TEX14: variants seen among roughly 807,000 people sequenced by gnomAD.
TEX14 encodes testis expressed 14, intercellular bridge forming factor.
A neutral mutation model predicts 178.6 loss-of-function variants in TEX14; 168 were observed. The ratio of observed to expected loss-of-function variants is 0.94; its 90% CI spans 0.83 to 1.07. The LOEUF is 1.07. Ranked by LOEUF, TEX14 falls within the 50% of genes least tolerant of loss-of-function variation. The pLI is 0.00. For synonymous variants in TEX14, 626 were observed against 634.1 expected (o/e 0.99, Z 0.19); for missense variants, 1,730 against 1,753.6 (o/e 0.99, Z 0.24).
Position 58,660,849 on chromosome 17 carries a change from T to C in TEX14, c.-1-8847A>G, listed in dbSNP as rs2047094201. On this transcript the variant is annotated intron_variant, in intron 1 of 31. Transcript: ENST00000349033. ...GCGCCAAATACTTTGGCTTGCGCCA[T>C]GTTCCGAGTGAGAATGAAGGGTTTC... The C allele has an allele frequency of 5.1e-6, 4 of 790,678 alleles. No homozygotes were observed. In the East Asian group the frequency reaches 9.7e-5, roughly 19 times the overall value. 49.0% of individuals were successfully genotyped at this position (790,678 alleles called of 1,614,324 possible).
At position 58,658,761 on chromosome 17, in the gene TEX14, G is replaced by A. The variant is rs139485169; in HGVS notation, c.-1-6759C>T. On this transcript the variant is annotated intron_variant, in intron 1 of 31. Transcript: ENST00000349033. The stretch of plus-strand genomic sequence containing the variant: ...TCTGCACAGAAAAACTGAACTACAA[G>A]GGATGAGGTACTTAACTTCCCACCT... 7.5e-4 allele frequency among the ~76,000 whole-genome samples: 114 copies of A among 152,060 alleles called. 1 individual carries two copies. Among genetic ancestry groups the A allele is most frequent in the Non-Finnish European group, 1.5e-3 (99 of 68,014 alleles).
chr17:58,570,395 G>A lies in TEX14; in HGVS notation c.3807C>T (p.Ser1269=), dbSNP rs45593640. The change falls in exon 25 of 32, where the codon AGC becomes AGT. Residue 1269 remains serine (S), a synonymous_variant. Transcript: ENST00000349033. Reference sequence around the variant, plus strand: ...TTAAACACAGGGTACCTTTAGGCAGGCTCCTTCTCTGGGTGGCATGGGGTG... The same window carrying A: ...TTAAACACAGGGTACCTTTAGGCAGACTCCTTCTCTGGGTGGCATGGGGTG... ...SSPPHATQRR[S]LPKVEAFSQH... The A allele has an allele frequency of 2.0e-6, 3 of 1,513,214 alleles. No homozygotes were observed. Among genetic ancestry groups the A allele is most frequent in the African/African-American group, 1.5e-5 (1 of 68,098 alleles). The allele number at this position is 1,513,214 out of a possible 1,614,324, so 93.7% of individuals were successfully genotyped here. A position where few individuals can be genotyped will look rare whatever the true frequency, so the allele number is the denominator to read the frequency against.
chr17:58,595,346 C>G (rs1206739800), intron 14 of TEX14, among the ~76,000 whole-genome samples: 2 of 152,038 alleles, frequency 1.3e-5, no homozygotes, highest in Non-Finnish European at 2.9e-5. Context: ...ATCCTATGTA[C>G]TAGTAGATTG....
chr17:58,563,621 T>TTATATATATATA (rs3034889), intron 28 of TEX14, among the ~76,000 whole-genome samples: 42 of 46,440 alleles, frequency 9.0e-4, no homozygotes, highest in Non-Finnish European at 1.3e-3. Context: ...CATCTCTAAT[T>TTATATATATATA]TATATATATA....
intron 15 of TEX14, 22 bp from the exon 16 acceptor site, chr17:58,588,043 C>A (rs1370152419): frequency 1.2e-6 from 1 of 867,662 alleles, no homozygotes. Context: ...AAGGACTGAG[C>A]TATAAGATCT....
In TEX14 at chr17:58,611,266, T is replaced by C. The variant is rs1344926099; in HGVS notation, c.1079A>G (p.Tyr360Cys). Residue 360 changes from tyrosine (Y) to cysteine (C), a missense_variant, in exon 10 of 32, where the codon TAC (tyrosine) becomes TGC (cysteine). Coordinates refer to ENST00000349033, the MANE Select transcript of TEX14 (RefSeq NM_031272.5). ...GTGGATAAACCCCTGGAAATGCAGG[T>C]ATCTCAGGGCATCAGATATCTGGAG... ...LLLQISDALR[Y>C]LHFQGFIHRS... The C allele has an allele frequency of 1.2e-6, 2 of 1,611,814 alleles. No homozygotes were observed. The highest frequency in any genetic ancestry group is 2.7e-5 in the African/African-American group (2 of 74,788).
At chr17:58,677,119 CAAA>C (rs35953337) in intron 1 of TEX14, among the ~76,000 whole-genome samples, 3 of 78,624 alleles carry the variant, frequency 3.8e-5, no homozygotes, top group Non-Finnish European at 5.2e-5. Context: ...AACTCCGTCT[CAAA>C]AAAAAAAAAA....
intron 3 of TEX14, among the ~76,000 whole-genome samples, chr17:58,629,385 C>G (rs965911532): frequency 6.7e-6 from 1 of 148,438 alleles, no homozygotes; most frequent in Non-Finnish European, 1.5e-5. Context: ...AGCCGGGTGG[C>G]AGAGGCTGCA....
chr17:58,632,934 T>A (rs2046355085), intron 2 of TEX14, among the ~76,000 whole-genome samples: 1 of 152,168 alleles, frequency 6.6e-6, no homozygotes, highest in Non-Finnish European at 1.5e-5. Context: ...AGACCCCTAT[T>A]AAAAGTCTCA....
intron 1 of TEX14, among the ~76,000 whole-genome samples, chr17:58,690,873 TTTTG>T (rs1464511279): frequency 6.6e-6 from 1 of 152,090 alleles, no homozygotes; most frequent in Non-Finnish European, 1.5e-5. Context: ...TGCTGAGGTG[TTTTG>T]TTTGTTTGAG....
intron 1 of TEX14, among the ~76,000 whole-genome samples, chr17:58,687,306 C>T (rs2047618360): frequency 6.6e-6 from 1 of 152,106 alleles, no homozygotes; most frequent in Admixed American, 6.6e-5. Flanking sequence ...CTAATAAATA[C>T]AGAAGGCTGT....
intron 1 of TEX14, among the ~76,000 whole-genome samples, chr17:58,675,885 C>T (rs2047386270): frequency 6.6e-6 from 1 of 152,150 alleles, no homozygotes; most frequent in Non-Finnish European, 1.5e-5. Flanking sequence ...GCCACTGAGT[C>T]TGGACTTTTT....
At chr17:58,563,654 TATATAGAGAGAGAG>T (rs1371312118) in intron 28 of TEX14, among the ~76,000 whole-genome samples, 3 of 20,108 alleles carry the variant, frequency 1.5e-4, no homozygotes, top group Non-Finnish European at 1.5e-4. Context: ...TATATATATA[TATATAGAGAGAGAG>T]AGAGAGAGAG....
chr17:58,605,670 G>A (rs541143640), intron 10 of TEX14, among the ~76,000 whole-genome samples: 1 of 152,310 alleles, frequency 6.6e-6, no homozygotes, highest in South Asian at 2.1e-4. Context: ...TCAAGTCTTT[G>A]CACTGGCAGC....
intron 1 of TEX14, chr17:58,659,203 T>G (rs560554818): frequency 3.8e-6 from 1 of 265,038 alleles, no homozygotes; most frequent in Non-Finnish European, 5.8e-6. Flanking sequence ...AGCCGAGTTT[T>G]CTCATTCGGG....
Position 58,581,657 on chromosome 17 carries a change from C to T in TEX14, c.3172-1926G>A, listed in dbSNP as rs6503870. The T allele has an allele frequency of 0.62, 994,970 of 1,612,460 alleles. 309,969 individuals carry two copies. Among genetic ancestry groups the T allele is most frequent in the African/African-American group, 0.71 (53,461 of 74,932 alleles). Reference sequence around the variant, plus strand: ...AGCAGTCGAGGAGTAAAAATATTCACCGTCTGGAGTTAAAAATTCATCTGT... The same window carrying T: ...AGCAGTCGAGGAGTAAAAATATTCATCGTCTGGAGTTAAAAATTCATCTGT... On this transcript the variant is annotated intron_variant, in intron 19 of 31. Coordinates refer to ENST00000349033, the MANE Select transcript of TEX14 (RefSeq NM_031272.5).
intron 21 of TEX14, among the ~76,000 whole-genome samples, chr17:58,576,248 G>A (rs1882406426): frequency 6.6e-6 from 1 of 152,244 alleles, no homozygotes; most frequent in African/African-American, 2.4e-5. Context: ...CACTTTGGGA[G>A]GCCGAGGCAG....
intron 15 of TEX14, among the ~76,000 whole-genome samples, chr17:58,592,236 AT>A (rs34196233): frequency 8.7e-5 from 13 of 148,834 alleles, no homozygotes; most frequent in Admixed American, 3.4e-4. Flanking sequence ...TATTTATTTA[AT>A]TTTTTTTTTT....
intron 9 of TEX14, 72 bp downstream of exon 9, chr17:58,613,349 C>G: frequency 6.3e-7 from 1 of 1,591,944 alleles, no homozygotes; most frequent in African/African-American, 1.3e-5. Flanking sequence ...ATCACCACAG[C>G]TGGGGCAAGA....
Sources: gnomAD v4.1 joint callset for allele counts (sites outside exome capture counted in the v4.1 genomes callset) on GRCh38, gnomAD v4.1.1 for gene constraint, MANE v1.5 for transcripts, NCBI Gene and HGNC (gene_info 2026-07-23, HGNC 2026-07-21) for gene names.